Variants in RPS6KA1 observed in about 807,000 individuals in gnomAD.
RPS6KA1 encodes the protein ribosomal protein S6 kinase A1.
A neutral mutation model predicts 91.3 loss-of-function variants in RPS6KA1; 48 were observed. The ratio of observed to expected loss-of-function variants is 0.53; its 90% CI spans 0.42 to 0.67. The LOEUF is 0.67. Ranked by LOEUF, RPS6KA1 falls within the 30% of genes least tolerant of loss-of-function variation. The probability of loss-of-function intolerance (pLI) is 0.00; values close to 1 mark genes in which losing one functional copy is unlikely to be tolerated. For synonymous variants in RPS6KA1, 359 were observed against 384.7 expected (o/e 0.93, Z 0.78); for missense variants, 719 against 960.5 (o/e 0.75, Z 3.32).
chr1:26,535,432 G>C (rs1007523016), intron 1 of RPS6KA1, among the ~76,000 whole-genome samples: 4 of 152,162 alleles, frequency 2.6e-5, no homozygotes, highest in African/African-American at 7.2e-5. Flanking sequence ...ATCCAGACCT[G>C]TTCTAGAGCA....
intron 2 of RPS6KA1, chr1:26,543,977 G>C (rs777584773): frequency 6.3e-5 from 27 of 427,092 alleles, no homozygotes; most frequent in Non-Finnish European, 9.6e-5. Context: ...CTAGGGAAAT[G>C]GGAGATCTCA....
intron 2 of RPS6KA1, chr1:26,545,725 AAC>A: frequency 1.2e-6 from 1 of 867,608 alleles, no homozygotes; most frequent in African/African-American, 1.8e-5. Flanking sequence ...AGAGGAAGGG[AAC>A]GTGGTGAGGG....
At chr1:26,550,639 A>G (rs1395759122) in intron 4 of RPS6KA1, among the ~76,000 whole-genome samples, 4 of 152,186 alleles carry the variant, frequency 2.6e-5, no homozygotes, top group African/African-American at 7.2e-5. Flanking sequence ...TTCTAATCAG[A>G]CTAGTGAAAT....
chr1:26,556,219 C>T (rs41286649), intron 11 of RPS6KA1: 23,182 of 207,256 alleles, frequency 0.11, 1,692 homozygotes, highest in Non-Finnish European at 0.16. Flanking sequence ...TGGTCCATGA[C>T]CAGCTGTGTA....
At chr1:26,534,054 T>G (rs1032174430) in intron 1 of RPS6KA1, among the ~76,000 whole-genome samples, 1 of 152,138 alleles carries the variant, frequency 6.6e-6, no homozygotes, top group Non-Finnish European at 1.5e-5. Flanking sequence ...GGTCCCTAAG[T>G]CATCCAGGCC....
intron 21 of RPS6KA1, 89 bp from the exon 22 acceptor site, chr1:26,573,990 T>G: frequency 6.9e-7 from 1 of 1,449,398 alleles, no homozygotes; most frequent in Non-Finnish European, 9.3e-7. Context: ...TGTGGAACAC[T>G]GAGAGGGGCT....
At chr1:26,541,762 G>C (rs889219282) in intron 2 of RPS6KA1, among the ~76,000 whole-genome samples, 2 of 152,202 alleles carry the variant, frequency 1.3e-5, no homozygotes, top group African/African-American at 2.4e-5. Flanking sequence ...AGGGGGTAGC[G>C]CCTGGAAGGG....
At chr1:26,573,937 C>CAAAAAA in intron 21 of RPS6KA1, 142 bp from the exon 22 acceptor site, 3 of 772,620 alleles carry the variant, frequency 3.9e-6, no homozygotes, top group Admixed American at 6.5e-5. Flanking sequence ...GACTGTATCT[C>CAAAAAA]AAAAAAAAAA....
rs1409727809 is a variant in RPS6KA1 at position 26,557,185 on chromosome 1, T to A, written c.1084+85T>A. ...GTGGCAGCTTGGGGGGCAGAGATAG[T>A]CAGGGACACTGACAGGCCGAGGTAT... On this transcript the variant is annotated intron_variant, in intron 13 of 21. Transcript: ENST00000374168. 8.5e-6 allele frequency: 9 copies of A among 1,058,662 alleles called. No individual in the cohort carries two copies. In the Admixed American group the frequency reaches 1.6e-4, roughly 19 times the overall value. The allele number at this position is 1,058,662 out of a possible 1,614,324, so 65.6% of individuals were successfully genotyped here.
Position 26,547,095 on chromosome 1 carries a change from C to G in RPS6KA1, c.226-94C>G. On this transcript the variant is annotated intron_variant, in intron 3 of 21. Coordinates refer to ENST00000374168, the MANE Select transcript of RPS6KA1 (RefSeq NM_002953.4). This position sits in a 1 kb window ranked among gnomAD's most constrained non-coding sequence, Gnocchi z 4.1. Reference sequence around the variant, plus strand: ...AGGTCACCTTGGTACCCAGGGAGAGCAAAAAGGTCAGCTTGGGGCTCAGAG... The same window carrying G: ...AGGTCACCTTGGTACCCAGGGAGAGGAAAAAGGTCAGCTTGGGGCTCAGAG... 1 of 1,543,452 alleles carries G rather than the reference C, an allele frequency of 6.5e-7. No individual in the cohort carries two copies. The highest frequency in any genetic ancestry group is 1.1e-5 in the South Asian group (1 of 89,470).
intron 2 of RPS6KA1, among the ~76,000 whole-genome samples, chr1:26,545,003 T>C (rs899935011): frequency 1.2e-4 from 19 of 152,074 alleles, no homozygotes; most frequent in Admixed American, 3.3e-4. Flanking sequence ...CTGTTAGATA[T>C]GAGTCCCCTC....
In RPS6KA1 at chr1:26,547,682, G is replaced by A; in HGVS notation, c.307+412G>A. 1 of 227,554 alleles carries A rather than the reference G, an allele frequency of 4.4e-6. No homozygotes were observed. The highest frequency in any genetic ancestry group is 9.1e-6 in the Non-Finnish European group (1 of 110,278). The allele number at this position is 227,554 out of a possible 1,614,324, so 14.1% of individuals were successfully genotyped here. ...GGAGGCAGCTGGGCTAGGCAAGAGAGGGTGAGTCCAGGCAGGGCCACAGAG... is the reference window on the plus strand; with the variant it reads ...GGAGGCAGCTGGGCTAGGCAAGAGAAGGTGAGTCCAGGCAGGGCCACAGAG... On this transcript the variant is annotated intron_variant, in intron 4 of 21. Transcript: ENST00000374168. This position sits in a 1 kb window ranked among gnomAD's most constrained non-coding sequence, Gnocchi z 4.1.
At chr1:26,532,165 G>A (rs946320571) in intron 1 of RPS6KA1, among the ~76,000 whole-genome samples, 1 of 152,100 alleles carries the variant, frequency 6.6e-6, no homozygotes, top group Admixed American at 6.5e-5. Flanking sequence ...CAGCCCAGGT[G>A]GAGTAATCTA....
At chr1:26,542,171 A>G (rs985720813) in intron 2 of RPS6KA1, among the ~76,000 whole-genome samples, 4 of 152,286 alleles carry the variant, frequency 2.6e-5, no homozygotes, top group Admixed American at 2.6e-4. Context: ...CCTCCCACAA[A>G]GTAGCTACCT....
intron 11 of RPS6KA1, 36 bp from the exon 12 acceptor site, chr1:26,556,618 C>A (rs1204228579): frequency 9.3e-6 from 15 of 1,611,856 alleles, no homozygotes; most frequent in Non-Finnish European, 1.3e-5. Flanking sequence ...GGACTTGTGC[C>A]AGCCAGGGAC....
Position 26,556,658 on chromosome 1 carries a change from C to T in RPS6KA1, c.921C>T (p.Ser307=), listed in dbSNP as rs1245658242. 3.1e-6 allele frequency: 5 copies of T among 1,614,060 alleles called. No individual in the cohort carries two copies. The highest frequency in any genetic ancestry group is 2.2e-5 in the East Asian group (1 of 44,892). ...CCTTCATTTGGGCTCTTTCAGGCTC[C>T]GGCCCTGATGGGGCAGAGGAAATCA... ...FKRNPANRLG[S]GPDGAEEIKR... is the part of the protein sequence containing the mutation. The change falls in exon 12 of 22, where the codon TCC becomes TCT. Residue 307 remains serine, a synonymous_variant. Transcript: ENST00000374168.
At chr1:26,548,396 G>A (rs144753774) in intron 4 of RPS6KA1, among the ~76,000 whole-genome samples, 1 of 152,144 alleles carries the variant, frequency 6.6e-6, no homozygotes, top group Non-Finnish European at 1.5e-5. Flanking sequence ...CCTAAGGAGC[G>A]GGAAGCCTTG....
chr1:26,557,940 T>C (rs1362525874), intron 13 of RPS6KA1, among the ~76,000 whole-genome samples: 1 of 151,864 alleles, frequency 6.6e-6, no homozygotes, highest in Non-Finnish European at 1.5e-5. Flanking sequence ...GAGATTCTCC[T>C]GCCTCAGCCT....
chr1:26,551,525 C>T lies in RPS6KA1; in HGVS notation c.388+48C>T. On this transcript the variant is annotated intron_variant, in intron 5 of 21. Coordinates refer to ENST00000374168, the MANE Select transcript of RPS6KA1 (RefSeq NM_002953.4). This position sits in a 1 kb window ranked among gnomAD's most constrained non-coding sequence, Gnocchi z 4.5. Reference sequence around the variant, plus strand: ...AGCTCCTACCCCACCCATCCTTCGCCCTTGCCTGTGGTCTGTACACTGTCC... The same window carrying T: ...AGCTCCTACCCCACCCATCCTTCGCTCTTGCCTGTGGTCTGTACACTGTCC... 6.2e-7 allele frequency: 1 copy of T among 1,607,522 alleles called. No homozygotes were observed. The highest frequency in any genetic ancestry group is 2.2e-5 in the East Asian group (1 of 44,838).
Sources: allele counts gnomAD v4.1 joint callset (sites outside exome capture counted in the v4.1 genomes callset), GRCh38; gene constraint gnomAD v4.1.1; non-coding constraint Gnocchi (gnomAD v3.1); transcripts MANE v1.5; gene names NCBI Gene and HGNC (gene_info 2026-07-23, HGNC 2026-07-21).